ELMO1: variants seen among roughly 807,000 people sequenced by gnomAD.
ELMO1 encodes the protein engulfment and cell motility 1, also known as engulfment and cell motility protein 1.
Under a neutral mutation model 98.9 loss-of-function variants are expected in ELMO1, and 26 were observed. The ratio of observed to expected loss-of-function variants is 0.26; its 90% CI spans 0.19 to 0.36. The LOEUF is 0.36. ELMO1 is among the 10% of genes least tolerant of loss of function. The pLI, the probability that ELMO1 is intolerant of heterozygous loss-of-function variation, is 1.00. For missense variants in ELMO1, 627 were observed against 935.2 expected (o/e 0.67, Z 4.30); for synonymous variants, 346 against 346.0 (o/e 1.00, Z 0.00).
At chr7:37,263,090 G>A (rs1463125651) in intron 5 of ELMO1, among the ~76,000 whole-genome samples, 2 of 152,030 alleles carry the variant, frequency 1.3e-5, no homozygotes, top group Non-Finnish European at 2.9e-5. Flanking sequence ...AGAACAGGCA[G>A]GGATATACCT....
rs1303252280 is a variant in ELMO1 at position 37,155,493 on chromosome 7, A to AT, written c.1087-22260_1087-22259insA. 2.3e-4 allele frequency among the ~76,000 whole-genome samples: 33 copies of AT among 143,698 alleles called. 1 individual carries two copies. Among genetic ancestry groups the AT allele is most frequent in the Non-Finnish European group, 4.3e-4 (28 of 64,624 alleles). The allele number at this position is 143,698 out of a possible 152,430, so 94.3% of individuals were successfully genotyped here. A position where few individuals can be genotyped will look rare whatever the true frequency, so the allele number is the denominator to read the frequency against. On this transcript the variant is annotated intron_variant, in intron 13 of 21. Transcript: ENST00000310758. ...GGAAGAAGCAAACGGAAAGCAAAAA[A>AT]AAAAAAAAAAAAAAAGCAGGTGTTG...
intron 16 of ELMO1, among the ~76,000 whole-genome samples, chr7:36,937,140 T>C (rs888441557): frequency 6.6e-5 from 10 of 152,200 alleles, no homozygotes; most frequent in African/African-American, 2.4e-4. Context: ...CCCCAAAAGA[T>C]ATGCTGAAGT....
At chr7:37,301,122 T>C (rs1175605408) in intron 4 of ELMO1, among the ~76,000 whole-genome samples, 1 of 152,122 alleles carries the variant, frequency 6.6e-6, no homozygotes, top group Non-Finnish European at 1.5e-5. Flanking sequence ...ATATCCCCTT[T>C]ATCATTTTTT....
chr7:37,042,572 T>C (rs114606705), intron 15 of ELMO1, among the ~76,000 whole-genome samples: 2,475 of 152,242 alleles, frequency 0.016, 20 homozygotes, highest in Middle Eastern at 0.044. Flanking sequence ...GGACTGGGAA[T>C]ATGTATGGAA....
At chr7:37,206,592 G>A (rs139971923) in intron 13 of ELMO1, among the ~76,000 whole-genome samples, 1 of 152,292 alleles carries the variant, frequency 6.6e-6, no homozygotes, top group East Asian at 1.9e-4. Flanking sequence ...GTAATTTTGT[G>A]TAATTATACT....
At chr7:37,393,876 C>A (rs1356867270) in intron 1 of ELMO1, 1 of 152,164 alleles carries the variant, frequency 6.6e-6, no homozygotes, top group African/African-American at 2.4e-5. Flanking sequence ...TGATCTGTAT[C>A]TTCTCTGCCT....
chr7:36,890,706 C>A (rs2129052900), intron 17 of ELMO1, among the ~76,000 whole-genome samples: 1 of 152,246 alleles, frequency 6.6e-6, no homozygotes, highest in South Asian at 2.1e-4. Flanking sequence ...TTTGATTTCC[C>A]TGCTTCCAAA....
rs548774069 is a variant in ELMO1 at position 37,120,760 on chromosome 7, C to T, written c.1191+12370G>A. Reference sequence around the variant, plus strand: ...CGCAGACTTAAATGTGCCTGTCTGACAGCTTAGAAGAGAGTAGTGGTTCTC... The same window carrying T: ...CGCAGACTTAAATGTGCCTGTCTGATAGCTTAGAAGAGAGTAGTGGTTCTC... On this transcript the variant is annotated intron_variant, in intron 14 of 21. Transcript: ENST00000310758. Among the ~76,000 whole-genome samples, 154 of 152,318 alleles carry T rather than the reference C, an allele frequency of 1.0e-3. 1 individual carries two copies. The highest frequency in any genetic ancestry group is 3.5e-3 in the African/African-American group (146 of 41,576).
chr7:37,287,359 G>C (rs1011409653), intron 4 of ELMO1, among the ~76,000 whole-genome samples: 2 of 152,172 alleles, frequency 1.3e-5, no homozygotes, highest in African/African-American at 4.8e-5. Flanking sequence ...CTGTGTTCCA[G>C]TAAGTTTTAT....
intron 16 of ELMO1, among the ~76,000 whole-genome samples, chr7:36,898,872 C>T (rs1306787549): frequency 6.6e-6 from 1 of 152,160 alleles, no homozygotes; most frequent in Non-Finnish European, 1.5e-5. Flanking sequence ...CTTGCCTCAC[C>T]CAAGGGAAGA....
rs561211928 is a variant in ELMO1 at position 36,974,025 on chromosome 7, A to C, written c.1437+39274T>G. On this transcript the variant is annotated intron_variant, in intron 16 of 21. Transcript: ENST00000310758. ...CCCGCCATGCCTGAGCCTCCCCCCC[A>C]CTCCGTGGGCTCCTGTGCGTCTGGA... Among the ~76,000 whole-genome samples the C allele has an allele frequency of 2.3e-3, 347 of 152,026 alleles. 2 individuals are homozygous for C. Among genetic ancestry groups the C allele is most frequent in the African/African-American group, 7.5e-3 (312 of 41,476 alleles).
chr7:37,181,049 T>C (rs971918085), intron 13 of ELMO1, among the ~76,000 whole-genome samples: 1 of 151,180 alleles, frequency 6.6e-6, no homozygotes, highest in Non-Finnish European at 1.5e-5. Context: ...ATGTACTAAA[T>C]GAAATGTCTA....
chr7:37,262,088 C>A (rs1237256730), intron 5 of ELMO1, among the ~76,000 whole-genome samples: 1 of 152,134 alleles, frequency 6.6e-6, no homozygotes, highest in Non-Finnish European at 1.5e-5. Flanking sequence ...ATTTATTATA[C>A]CTACTCTTAT....
At chr7:37,123,093 C>G (rs917142518) in intron 14 of ELMO1, among the ~76,000 whole-genome samples, 2 of 151,698 alleles carry the variant, frequency 1.3e-5, no homozygotes, top group Admixed American at 6.6e-5. Flanking sequence ...CCAGTGAGAA[C>G]AAAGACACAA....
intron 16 of ELMO1, among the ~76,000 whole-genome samples, chr7:37,003,956 T>C (rs1792868062): frequency 6.6e-6 from 1 of 152,238 alleles, no homozygotes; most frequent in African/African-American, 2.4e-5. Flanking sequence ...GGCACCTATA[T>C]GACAGCACCT....
chr7:36,943,618 G>A (rs1415104940), intron 16 of ELMO1, among the ~76,000 whole-genome samples: 2 of 152,174 alleles, frequency 1.3e-5, no homozygotes, highest in African/African-American at 4.8e-5. Context: ...TTGAATGAAT[G>A]AGTAACTGGA....
chr7:37,442,115 G>A (rs539782666), intron 1 of ELMO1, among the ~76,000 whole-genome samples: 51 of 152,286 alleles, frequency 3.3e-4, no homozygotes, highest in Admixed American at 3.2e-3. Flanking sequence ...AACGACTAAT[G>A]TACTGGCATT....
intron 10 of ELMO1, among the ~76,000 whole-genome samples, chr7:37,222,286 C>T (rs1482202682): frequency 3.3e-5 from 5 of 152,196 alleles, no homozygotes; most frequent in Admixed American, 3.3e-4. Flanking sequence ...GCAGGGGCTC[C>T]TAACTCTGCT....
In ELMO1 at chr7:37,310,291, A is replaced by G. The variant is rs73112615; in HGVS notation, c.192+4559T>C. 2.6e-3 allele frequency among the ~76,000 whole-genome samples: 391 copies of G among 152,334 alleles called. 2 individuals are homozygous for G. Among genetic ancestry groups the G allele is most frequent in the Middle Eastern group, 6.8e-3 (2 of 294 alleles). On this transcript the variant is annotated intron_variant, in intron 4 of 21. Coordinates refer to ENST00000310758, the MANE Select transcript of ELMO1 (RefSeq NM_014800.11). ...AGGAAGTGAGTATCATCCTGCAATC[A>G]TAATAAAATCTCAATTATCCACAAG...
Sources: gnomAD v4.1 joint callset for allele counts (sites outside exome capture counted in the v4.1 genomes callset) on GRCh38, gnomAD v4.1.1 for gene constraint, MANE v1.5 for transcripts, NCBI Gene and HGNC (gene_info 2026-07-23, HGNC 2026-07-21) for gene names.